ANKS1B: variants seen among roughly 807,000 people sequenced by gnomAD.
ANKS1B encodes the protein ankyrin repeat and sterile alpha motif domain containing 1B.
A neutral mutation model predicts 148.3 loss-of-function variants in ANKS1B; 36 were observed. That is an observed-to-expected ratio of 0.24 (90% CI 0.19 to 0.32). The LOEUF (loss-of-function observed/expected upper bound fraction) is 0.32. Ranked by LOEUF, ANKS1B falls within the 10% of genes least tolerant of loss-of-function variation. The pLI, the probability that ANKS1B is intolerant of heterozygous loss-of-function variation, is 1.00. For synonymous variants in ANKS1B, 542 were observed against 560.8 expected, an observed-to-expected ratio of 0.97 and a Z score of 0.47; for missense variants, 1,157 against 1,542.6, an observed-to-expected ratio of 0.75 and a Z score of 4.19.
At chr12:99,133,732 C>T (rs562759489) in intron 15 of ANKS1B, among the ~76,000 whole-genome samples, 6 of 152,296 alleles carry the variant, frequency 3.9e-5, no homozygotes, top group South Asian at 2.1e-4. Flanking sequence ...CTATTTACTC[C>T]GGGCTGTCTC....
intron 24 of ANKS1B, among the ~76,000 whole-genome samples, chr12:98,775,874 C>G (rs1470114616): frequency 6.6e-6 from 1 of 152,232 alleles, no homozygotes; most frequent in Non-Finnish European, 1.5e-5. Context: ...GAAACTTCTA[C>G]TACTCTGTTC....
intron 17 of ANKS1B, among the ~76,000 whole-genome samples, chr12:98,869,643 A>G (rs2152351401): frequency 6.6e-6 from 1 of 152,198 alleles, no homozygotes; most frequent in East Asian, 1.9e-4. Flanking sequence ...ATTTTGAGCT[A>G]CAAAGGTACA....
At chr12:99,142,175 A>G (rs897791210) in intron 15 of ANKS1B, among the ~76,000 whole-genome samples, 1 of 152,040 alleles carries the variant, frequency 6.6e-6, no homozygotes, top group Non-Finnish European at 1.5e-5. Context: ...GTAGGAGGAG[A>G]TAACAGAGAC....
At chr12:98,811,220 T>G (rs1265810108) in intron 19 of ANKS1B, among the ~76,000 whole-genome samples, 6 of 152,172 alleles carry the variant, frequency 3.9e-5, no homozygotes, top group Admixed American at 2.6e-4. Flanking sequence ...CAGTTTCTGC[T>G]GGCAGAAATC....
chr12:99,657,351 C>A (rs546008954), intron 8 of ANKS1B, among the ~76,000 whole-genome samples: 1 of 152,176 alleles, frequency 6.6e-6, no homozygotes, highest in South Asian at 2.1e-4. Context: ...GGTACAATAA[C>A]CTGTGGAAGA....
chr12:99,814,373 C>A (rs1213784140), intron 2 of ANKS1B, among the ~76,000 whole-genome samples: 1 of 151,548 alleles, frequency 6.6e-6, no homozygotes, highest in African/African-American at 2.4e-5. Context: ...AAGCACTATA[C>A]CAATAATAGC....
intron 8 of ANKS1B, among the ~76,000 whole-genome samples, chr12:99,768,669 A>G (rs2062885844): frequency 1.3e-5 from 2 of 151,964 alleles, no homozygotes; most frequent in Admixed American, 6.5e-5. Context: ...CTACTAAAAT[A>G]CAAAAAATTA....
At position 99,296,768 on chromosome 12, in the gene ANKS1B, C is replaced by T. The variant is rs1337635801; in HGVS notation, c.1757-49904G>A. 4.6e-5 allele frequency among the ~76,000 whole-genome samples: 7 copies of T among 152,130 alleles called. No individual in the cohort carries two copies. The East Asian group carries it at 5.8e-4, about 13-fold the overall frequency. ...GAAGCCAAAAAGTGCCTTTGATAAG[C>T]GGATACTAAATATTTGTCGAATGAT... On this transcript the variant is annotated intron_variant, in intron 12 of 26. Transcript: ENST00000683438.
At chr12:98,972,881 A>G (rs916941959) in intron 17 of ANKS1B, among the ~76,000 whole-genome samples, 6 of 152,226 alleles carry the variant, frequency 3.9e-5, no homozygotes, top group African/African-American at 1.4e-4. Flanking sequence ...TAGCATCTAC[A>G]GAGAACAGAG....
intron 24 of ANKS1B, among the ~76,000 whole-genome samples, chr12:98,774,199 G>T (rs1240399092): frequency 1.3e-5 from 2 of 152,216 alleles, no homozygotes; most frequent in East Asian, 3.8e-4. Flanking sequence ...TACAGGTGAA[G>T]CAACTGGTAC....
chr12:99,506,487 G>A (rs2096713134), intron 9 of ANKS1B, among the ~76,000 whole-genome samples: 1 of 152,048 alleles, frequency 6.6e-6, no homozygotes, highest in African/African-American at 2.4e-5. Context: ...GGCATCCAGA[G>A]GAAAGTAATC....
intron 12 of ANKS1B, among the ~76,000 whole-genome samples, chr12:99,348,951 A>G (rs2091082343): frequency 6.6e-6 from 1 of 151,954 alleles, no homozygotes; most frequent in South Asian, 2.1e-4. Context: ...TATGTCATTT[A>G]GAAGACAAAT....
chr12:99,653,024 G>C (rs528074594), intron 9 of ANKS1B, among the ~76,000 whole-genome samples: 104 of 152,120 alleles, frequency 6.8e-4, no homozygotes, highest in Non-Finnish European at 2.4e-4. Context: ...AAAAAGAAAA[G>C]CTGCAGACTG....
At chr12:99,517,563 CAA>C (rs67889061) in intron 9 of ANKS1B, among the ~76,000 whole-genome samples, 17,813 of 124,170 alleles carry the variant, frequency 0.14, 3,245 homozygotes, top group African/African-American at 0.44. Flanking sequence ...AGTAAAAATA[CAA>C]AAAAAAAAAA....
intron 8 of ANKS1B, among the ~76,000 whole-genome samples, chr12:99,754,541 T>C (rs1463025160): frequency 6.6e-6 from 1 of 152,060 alleles, no homozygotes; most frequent in African/African-American, 2.4e-5. Flanking sequence ...CCCCAGAATA[T>C]ACATTCTTCT....
chr12:98,761,129 G>A (rs1211860483), intron 25 of ANKS1B, among the ~76,000 whole-genome samples: 1 of 152,218 alleles, frequency 6.6e-6, no homozygotes, highest in African/African-American at 2.4e-5. Context: ...GCAGAGCCAG[G>A]ATTCAAGTGC....
chr12:99,464,334 G>C (rs1003307323), intron 10 of ANKS1B, among the ~76,000 whole-genome samples: 1 of 152,144 alleles, frequency 6.6e-6, no homozygotes, highest in Non-Finnish European at 1.5e-5. Context: ...AAACTACAAA[G>C]ATGGGGAAAA....
At chr12:99,965,437 A>G (rs1183898376) in intron 1 of ANKS1B, among the ~76,000 whole-genome samples, 1 of 152,262 alleles carries the variant, frequency 6.6e-6, no homozygotes, top group Non-Finnish European at 1.5e-5. Context: ...GGATATCTGC[A>G]TAAATGTACC....
chr12:99,292,584 T>G (rs2080173256), intron 12 of ANKS1B, among the ~76,000 whole-genome samples: 1 of 149,724 alleles, frequency 6.7e-6, no homozygotes, highest in African/African-American at 2.4e-5. Flanking sequence ...GGGAGAAAAT[T>G]TTCACAATCT....
Sources: gnomAD v4.1 joint callset for allele counts (sites outside exome capture counted in the v4.1 genomes callset) on GRCh38, gnomAD v4.1.1 for gene constraint, MANE v1.5 for transcripts, NCBI Gene and HGNC (gene_info 2026-07-23, HGNC 2026-07-21) for gene names.